The following CRMP1 variants were observed in gnomAD, a reference collection of about 807,000 sequenced individuals.
CRMP1 encodes dihydropyrimidinase-related protein 1.
Under a neutral mutation model 68.3 loss-of-function variants are expected in CRMP1, and 19 were observed. The ratio of observed to expected loss-of-function variants is 0.28; its 90% confidence interval spans 0.19 to 0.41. The LOEUF is 0.41. CRMP1 is among the 10% of genes least tolerant of loss of function. The pLI is 1.00. For synonymous variants in CRMP1, 439 were observed against 399.6 expected, an observed-to-expected ratio of 1.10 and a Z score of -1.18; for missense variants, 791 against 967.4, an observed-to-expected ratio of 0.82 and a Z score of 2.42.
rs930153661 is a variant in CRMP1 at position 5,834,202 on chromosome 4, C to T, written c.1623+1713G>A. Among the ~76,000 whole-genome samples, 1 of 152,184 alleles carries T rather than the reference C, an allele frequency of 6.6e-6. No individual in the cohort carries two copies. Among genetic ancestry groups the T allele is most frequent in the Non-Finnish European group, 1.5e-5 (1 of 68,040 alleles). ...AGGGGCAGCTCCCACAGCCAGATGG[C>T]GGTAGGAGTGCACACCCTGTGCTAT... On this transcript the variant is annotated intron_variant, in intron 11 of 13. Transcript: ENST00000324989. The surrounding 1 kb of genome is among the most constrained non-coding windows in gnomAD (Gnocchi z 4.3).
chr4:5,843,297 T>G lies in CRMP1; in HGVS notation c.964-136A>C. The G allele has an allele frequency of 1.3e-6, 1 of 766,666 alleles. No individual in the cohort carries two copies. 47.5% of individuals were successfully genotyped at this position (766,666 alleles called of 1,614,324 possible). A position where few individuals can be genotyped will look rare whatever the true frequency, so the allele number is the denominator to read the frequency against. ...AGTGGCTTGCACTAGGTTAACAGTG[T>G]GCGGGGTGGGGGCAGTGAACTGTGT... On this transcript the variant is annotated intron_variant, in intron 6 of 13. Transcript: ENST00000324989. The surrounding 1 kb of genome is among the most constrained non-coding windows in gnomAD (Gnocchi z 4.1).
chr4:5,873,496 C>G (rs1413310534), intron 1 of CRMP1, among the ~76,000 whole-genome samples: 1 of 151,052 alleles, frequency 6.6e-6, no homozygotes, highest in Non-Finnish European at 1.5e-5. Context: ...AACTTACAAT[C>G]ATGGCTGAAG....
intron 6 of CRMP1, among the ~76,000 whole-genome samples, chr4:5,845,938 A>C (rs1373226154): frequency 3.3e-5 from 5 of 152,142 alleles, no homozygotes; most frequent in Non-Finnish European, 7.3e-5. Flanking sequence ...CTTGTTAAGA[A>C]CTCAGAAAGA....
chr4:5,874,219 C>G (rs1330883905), intron 1 of CRMP1, among the ~76,000 whole-genome samples: 1 of 152,180 alleles, frequency 6.6e-6, no homozygotes, highest in Non-Finnish European at 1.5e-5. Context: ...AATGGTATAA[C>G]CACACCAATA....
In CRMP1 at chr4:5,841,333, G is replaced by A. The variant is rs768600156; in HGVS notation, c.1128C>T (p.Asp376=). ...ITKVMSKSAA[D]IIALARKKGP... is the part of the protein sequence containing the mutation. ...CTTTCTTCCTGGCCAGAGCGATGAT[G>A]TCGGCTGCACTCTTGCTCATGACCT... The change falls in exon 8 of 14, where the codon GAC becomes GAT. Residue 376 remains aspartate (D), a synonymous_variant. Coordinates refer to ENST00000324989, the MANE Select transcript of CRMP1 (RefSeq NM_001014809.3). This position sits in a 1 kb window ranked among gnomAD's most constrained non-coding sequence, Gnocchi z 6.9. 4.3e-6 allele frequency: 7 copies of A among 1,614,062 alleles called. No individual in the cohort carries two copies. The East Asian group carries it at 8.9e-5, about 21-fold the overall frequency.
intron 1 of CRMP1, among the ~76,000 whole-genome samples, chr4:5,869,953 C>T (rs1448644013): frequency 6.6e-6 from 1 of 152,186 alleles, no homozygotes; most frequent in East Asian, 1.9e-4. Context: ...CAGTGGTCCC[C>T]TGGACCAGGT....
chr4:5,829,326 T>A (rs1577742963), intron 11 of CRMP1, among the ~76,000 whole-genome samples: 1 of 151,904 alleles, frequency 6.6e-6, no homozygotes, highest in Non-Finnish European at 1.5e-5. Flanking sequence ...GAGGTGGAGG[T>A]TGCAGTGAGC....
chr4:5,828,344 G>A (rs1000979330), intron 12 of CRMP1, 145 bp downstream of exon 12: 29 of 1,431,486 alleles, frequency 2.0e-5, no homozygotes, highest in African/African-American at 5.7e-5. Context: ...CCAGGCCAGC[G>A]TCTCAACCCA....
In CRMP1 at chr4:5,888,441, C is replaced by G. The variant is rs970463867; in HGVS notation, c.381+4148G>C. 42 of 1,214,544 alleles carry G rather than the reference C, an allele frequency of 3.5e-5. No homozygotes were observed. The highest frequency in any genetic ancestry group is 4.2e-5 in the Non-Finnish European group (41 of 977,276). 75.2% of individuals were successfully genotyped at this position (1,214,544 alleles called of 1,614,324 possible). A position where few individuals can be genotyped will look rare whatever the true frequency, so the allele number is the denominator to read the frequency against. On this transcript the variant is annotated intron_variant, in intron 1 of 13. Coordinates refer to ENST00000324989, the MANE Select transcript of CRMP1 (RefSeq NM_001014809.3). This position sits in a 1 kb window ranked among gnomAD's most constrained non-coding sequence, Gnocchi z 6.4. ...CGCGCGGCTGCCCCGGCTGCTCGGCCCGCCCGCCGCCGCTCCGGCTGCCAG... is the reference window on the plus strand; with the variant it reads ...CGCGCGGCTGCCCCGGCTGCTCGGCGCGCCCGCCGCCGCTCCGGCTGCCAG...
At chr4:5,856,832 C>G (rs1428059302) in intron 3 of CRMP1, among the ~76,000 whole-genome samples, 1 of 150,556 alleles carries the variant, frequency 6.6e-6, no homozygotes, top group Non-Finnish European at 1.5e-5. Flanking sequence ...CCACCATCCA[C>G]TATTATCACC....
At chr4:5,836,181 G>T (rs768974677) in intron 10 of CRMP1, 96 bp from the exon 11 acceptor site, 1 of 1,142,678 alleles carries the variant, frequency 8.8e-7, no homozygotes. Flanking sequence ...CTGAGGCCTT[G>T]CAAGGCTTGG....
intron 11 of CRMP1, among the ~76,000 whole-genome samples, chr4:5,831,707 G>A (rs968639142): frequency 6.6e-6 from 1 of 152,206 alleles, no homozygotes; most frequent in African/African-American, 2.4e-5. Flanking sequence ...CTGCAGAGGT[G>A]TGAGGAGGCC....
rs1714379380 is a variant in CRMP1, at chr4:5,870,762, T to G, written c.382-4006A>C. Among the ~76,000 whole-genome samples the G allele has an allele frequency of 1.3e-5, 2 of 152,178 alleles. No homozygotes were observed. The highest frequency in any genetic ancestry group is 3.2e-3 in the Middle Eastern group (1 of 314). ...CCTATCTGTACCGCTAAAAAAGATG[T>G]GTGCATCCCCAGAGAGGAAACTCAC... is the stretch of plus-strand genomic sequence containing the variant. On this transcript the variant is annotated intron_variant, in intron 1 of 13. Transcript: ENST00000324989. This position sits in a 1 kb window ranked among gnomAD's most constrained non-coding sequence, Gnocchi z 6.0.
intron 1 of CRMP1, among the ~76,000 whole-genome samples, chr4:5,871,921 G>A (rs6823027): frequency 0.14 from 21,517 of 152,204 alleles, 1,999 homozygotes; most frequent in African/African-American, 0.26. Flanking sequence ...AGAATGGTCC[G>A]TGTGGAATGT....
chr4:5,888,769 G>C lies in CRMP1; in HGVS notation c.381+3820C>G, dbSNP rs919644019. ...AAAAGACGGCGCGGTCAGGGCCCGC[G>C]GGCGGCGCCACAGGTGTGTGGCCGC... On this transcript the variant is annotated intron_variant, in intron 1 of 13. Transcript: ENST00000324989. This position sits in a 1 kb window ranked among gnomAD's most constrained non-coding sequence, Gnocchi z 6.4. Among the ~76,000 whole-genome samples, 29 of 151,756 alleles carry C rather than the reference G, an allele frequency of 1.9e-4. No individual in the cohort carries two copies. Among genetic ancestry groups the C allele is most frequent in the African/African-American group, 7.0e-4 (29 of 41,344 alleles).
intron 6 of CRMP1, among the ~76,000 whole-genome samples, chr4:5,845,593 AG>A (rs1712128092): frequency 6.6e-6 from 1 of 152,236 alleles, no homozygotes; most frequent in Non-Finnish European, 1.5e-5. Context: ...TGAGACCCTC[AG>A]CCAGAAATAG....
intron 10 of CRMP1, 118 bp from the exon 11 acceptor site, chr4:5,836,203 C>A: frequency 2.2e-6 from 2 of 908,606 alleles, no homozygotes; most frequent in Non-Finnish European, 3.0e-6. Context: ...ATTCTCTCCT[C>A]TCCCAGCTAA....
intron 11 of CRMP1, among the ~76,000 whole-genome samples, chr4:5,830,498 C>A (rs970021973): frequency 1.3e-5 from 2 of 152,144 alleles, no homozygotes; most frequent in Non-Finnish European, 2.9e-5. Context: ...TTATCTTAAT[C>A]TTTGAACCAT....
In CRMP1 at chr4:5,888,126, G is replaced by C. The variant is rs1715731314; in HGVS notation, c.381+4463C>G. 8.3e-7 allele frequency: 1 copy of C among 1,206,992 alleles called. No individual in the cohort carries two copies. Among genetic ancestry groups the C allele is most frequent in the Non-Finnish European group, 1.0e-6 (1 of 967,574 alleles). The allele number at this position is 1,206,992 out of a possible 1,614,324, so 74.8% of individuals were successfully genotyped here. A position where few individuals can be genotyped will look rare whatever the true frequency, so the allele number is the denominator to read the frequency against. ...CACCCGCGGCGACGCAGGAGGCCTC[G>C]GGGGGCGCCCCTGCCGGCGCCCCGT... On this transcript the variant is annotated intron_variant, in intron 1 of 13. Coordinates refer to ENST00000324989, the MANE Select transcript of CRMP1 (RefSeq NM_001014809.3). The surrounding 1 kb of genome is among the most constrained non-coding windows in gnomAD (Gnocchi z 6.4).
Sources: gnomAD v4.1 joint callset for allele counts (sites outside exome capture counted in the v4.1 genomes callset) on GRCh38, gnomAD v4.1.1 for gene constraint, Gnocchi (gnomAD v3.1) non-coding constraint, MANE v1.5 for transcripts, NCBI Gene and HGNC (gene_info 2026-07-23, HGNC 2026-07-21) for gene names.